ASTN2: variants seen among roughly 807,000 people sequenced by gnomAD.
ASTN2 encodes the protein astrotactin-2.
ASTN2 carries 54 observed loss-of-function variants against 139.8 expected under a neutral mutation model. The observed-to-expected ratio is 0.39, with a 90% CI of 0.31 to 0.48. ASTN2 has a LOEUF of 0.48. Ranked by LOEUF, ASTN2 falls within the 20% of genes least tolerant of loss-of-function variation. ASTN2 has a pLI of 0.95. For synonymous variants in ASTN2, 756 were observed against 719.5 expected (o/e 1.05, Z -0.81); for missense variants, 1,565 against 1,725.1 (o/e 0.91, Z 1.64).
At chr9:116,885,557 T>C (rs1450770625) in intron 10 of ASTN2, among the ~76,000 whole-genome samples, 1 of 152,100 alleles carries the variant, frequency 6.6e-6, no homozygotes, top group Admixed American at 6.5e-5. Context: ...TCCCAGCTAC[T>C]TGGGAGGCTG....
At chr9:117,059,678 A>T (rs1000693426) in intron 5 of ASTN2, among the ~76,000 whole-genome samples, 3 of 152,164 alleles carry the variant, frequency 2.0e-5, no homozygotes, top group Non-Finnish European at 4.4e-5. Context: ...AAAAAAACAC[A>T]GACTAACCTA....
At chr9:117,149,672 T>A (rs1181702005) in intron 3 of ASTN2, among the ~76,000 whole-genome samples, 1 of 152,162 alleles carries the variant, frequency 6.6e-6, no homozygotes, top group African/African-American at 2.4e-5. Context: ...ATTCATTGCA[T>A]ACAATATTCC....
chr9:116,843,769 A>C (rs1249971361), intron 11 of ASTN2, among the ~76,000 whole-genome samples: 2 of 152,058 alleles, frequency 1.3e-5, no homozygotes, highest in African/African-American at 2.4e-5. Context: ...GGGAGGTGAA[A>C]GGGAAGAAAC....
At chr9:116,719,742 G>A (rs1446840826) in intron 16 of ASTN2, among the ~76,000 whole-genome samples, 1 of 152,020 alleles carries the variant, frequency 6.6e-6, no homozygotes, top group Non-Finnish European at 1.5e-5. Flanking sequence ...ACTTACTAAT[G>A]TTGCAGAAGA....
intron 10 of ASTN2, among the ~76,000 whole-genome samples, chr9:116,970,795 C>G (rs950043675): frequency 6.6e-6 from 1 of 152,160 alleles, no homozygotes; most frequent in Non-Finnish European, 1.5e-5. Context: ...AGTATTTCAC[C>G]ATTTCATTTT....
chr9:116,693,748 G>A lies in ASTN2; in HGVS notation c.2806+32023C>T, dbSNP rs1860692554. Among the ~76,000 whole-genome samples the A allele has an allele frequency of 1.3e-5, 2 of 152,172 alleles. 1 individual carries two copies. The highest frequency in any genetic ancestry group is 4.1e-4 in the South Asian group (2 of 4,826). ...GTACAGTTGATAGCTGGCAGAAAATGGGCAGCTTACTTAAAGATTTGGAAT... is the reference window on the plus strand; with the variant it reads ...GTACAGTTGATAGCTGGCAGAAAATAGGCAGCTTACTTAAAGATTTGGAAT... On this transcript the variant is annotated intron_variant, in intron 16 of 22. Transcript: ENST00000313400.
chr9:117,399,283 G>A (rs2130958665), intron 1 of ASTN2, among the ~76,000 whole-genome samples: 1 of 152,230 alleles, frequency 6.6e-6, no homozygotes, highest in Admixed American at 6.5e-5. Context: ...TGTTTTGGGG[G>A]GAGCCAGGAA....
intron 11 of ASTN2, among the ~76,000 whole-genome samples, chr9:116,827,738 TA>T (rs1831677976): frequency 6.6e-6 from 1 of 151,976 alleles, no homozygotes; most frequent in Non-Finnish European, 1.5e-5. Flanking sequence ...GAATCAATAA[TA>T]AAAAATATCT....
chr9:117,171,962 A>G (rs1252430211), intron 3 of ASTN2, among the ~76,000 whole-genome samples: 1 of 152,184 alleles, frequency 6.6e-6, no homozygotes, highest in Non-Finnish European at 1.5e-5. Context: ...AAAATTATCA[A>G]TACTTGCAAC....
At position 117,022,710 on chromosome 9, in the gene ASTN2, A is replaced by G. The variant is rs374818676; in HGVS notation, c.1424-14451T>C. ...TTCCAAATAGTCAAGGTGCTTAGTA[A>G]AATGGATTCTCCTCAAATAATGAAG... On this transcript the variant is annotated intron_variant, in intron 6 of 22. Transcript: ENST00000313400. Among the ~76,000 whole-genome samples, 5 of 152,128 alleles carry G rather than the reference A, an allele frequency of 3.3e-5. No homozygotes were observed. The East Asian group carries it at 9.7e-4, about 29-fold the overall frequency.
chr9:116,548,383 C>T (rs1852196857), intron 19 of ASTN2, among the ~76,000 whole-genome samples: 1 of 152,228 alleles, frequency 6.6e-6, no homozygotes, highest in African/African-American at 2.4e-5. Flanking sequence ...GCCTCTGTCT[C>T]TCTACCTTTA....
chr9:116,797,132 G>C (rs757858000), intron 13 of ASTN2, among the ~76,000 whole-genome samples: 1 of 152,116 alleles, frequency 6.6e-6, no homozygotes, highest in Non-Finnish European at 1.5e-5. Context: ...TAAACAAAGA[G>C]GGTGGGAGAA....
At chr9:116,650,284 A>G (rs1857835433) in intron 17 of ASTN2, among the ~76,000 whole-genome samples, 1 of 152,186 alleles carries the variant, frequency 6.6e-6, no homozygotes, top group Non-Finnish European at 1.5e-5. Flanking sequence ...GAAAGATTGC[A>G]TTTGGAAAAA....
rs186306363 is a variant in ASTN2, at chr9:116,485,095, T to A, written c.3497+2264A>T. ...CATTTGGTGGATGGATGGGAGAAAG[T>A]TGAAATTATCACAAGGGCAACAACA... is the stretch of plus-strand genomic sequence containing the variant. On this transcript the variant is annotated intron_variant, in intron 20 of 22. Transcript: ENST00000313400. 7.2e-5 allele frequency among the ~76,000 whole-genome samples: 11 copies of A among 152,260 alleles called. No homozygotes were observed. The East Asian group carries it at 2.1e-3, about 29-fold the overall frequency.
At chr9:116,972,835 T>C (rs1836247239) in intron 10 of ASTN2, among the ~76,000 whole-genome samples, 2 of 152,200 alleles carry the variant, frequency 1.3e-5, no homozygotes, top group Admixed American at 6.5e-5. Flanking sequence ...CCTACTGTAA[T>C]GCTTACCTTC....
intron 2 of ASTN2, among the ~76,000 whole-genome samples, chr9:117,274,640 C>T (rs1354092364): frequency 6.6e-6 from 1 of 152,232 alleles, no homozygotes; most frequent in African/African-American, 2.4e-5. Context: ...GGCTTCACAA[C>T]ACTGGAGGTG....
chr9:116,641,266 T>C (rs1461473989), intron 17 of ASTN2, among the ~76,000 whole-genome samples: 2 of 152,192 alleles, frequency 1.3e-5, no homozygotes, highest in African/African-American at 2.4e-5. Flanking sequence ...TGCAATGACA[T>C]TGTCTTTAGC....
chr9:116,821,002 G>C (rs1831469991), intron 11 of ASTN2, among the ~76,000 whole-genome samples: 1 of 151,900 alleles, frequency 6.6e-6, no homozygotes, highest in Non-Finnish European at 1.5e-5. Context: ...GTGACTATCT[G>C]CTTATAGTGT....
chr9:117,081,018 A>G (rs76593112), intron 5 of ASTN2, among the ~76,000 whole-genome samples: 87 of 152,324 alleles, frequency 5.7e-4, no homozygotes, highest in South Asian at 1.7e-3. Context: ...CCTGAACCAG[A>G]GTAGAGGCCA....
Sources: gnomAD v4.1 joint callset for allele counts (sites outside exome capture counted in the v4.1 genomes callset) on GRCh38, gnomAD v4.1.1 for gene constraint, MANE v1.5 for transcripts, NCBI Gene and HGNC (gene_info 2026-07-23, HGNC 2026-07-21) for gene names.